The following SYNE3 variants were observed in gnomAD, a reference collection of about 807,000 sequenced individuals.
The protein encoded by SYNE3 is nesprin-3.
In SYNE3, 100 loss-of-function variants were observed where a neutral mutation model predicts 111.2. That is an observed-to-expected ratio of 0.90 (90% CI 0.77 to 1.06). The LOEUF (loss-of-function observed/expected upper bound fraction) is 1.06, where lower values mean the gene tolerates loss of function less well. Ranked by LOEUF, SYNE3 falls within the 50% of genes least tolerant of loss-of-function variation. SYNE3 has a pLI of 0.00. For synonymous variants in SYNE3, 547 were observed against 533.9 expected, an observed-to-expected ratio of 1.02 and a Z score of -0.34; for missense variants, 1,160 against 1,240.3, an observed-to-expected ratio of 0.94 and a Z score of 0.97.
chr14:95,487,917 T>TTCCTCCTCCTCC (rs57519352), intron 1 of SYNE3, among the ~76,000 whole-genome samples: 2 of 149,772 alleles, frequency 1.3e-5, no homozygotes, highest in African/African-American at 4.9e-5. Flanking sequence ...ACCCCTCCTC[T>TTCCTCCTCCTCC]TCCTCCTCCT....
At chr14:95,490,595 T>C (rs1288629420) in intron 1 of SYNE3, among the ~76,000 whole-genome samples, 1 of 152,264 alleles carries the variant, frequency 6.6e-6, no homozygotes, top group Non-Finnish European at 1.5e-5. Flanking sequence ...TATACTGAGC[T>C]TGTAGACAAG....
intron 17 of SYNE3, among the ~76,000 whole-genome samples, chr14:95,430,123 C>G (rs188207987): frequency 5.3e-5 from 8 of 152,294 alleles, no homozygotes; most frequent in African/African-American, 1.9e-4. Flanking sequence ...CTGGTGTTAG[C>G]CAGCAAATGT....
Position 95,412,528 on chromosome 14 carries a change from A to G in SYNE3, c.*5298T>C, listed in dbSNP as rs559697223. ...CACAGGGCACTTCTGCCCACCAACC[A>G]GGGGAGAGAAAGCCGCAGACCCCGG... On this transcript the variant is annotated 3_prime_UTR_variant, in exon 18 of 18. Transcript: ENST00000682763. 1 of 152,404 alleles carries G rather than the reference A, an allele frequency of 6.6e-6. No homozygotes were observed. The highest frequency in any genetic ancestry group is 1.9e-4 in the East Asian group (1 of 5,190). 9.4% of individuals were successfully genotyped at this position (152,404 alleles called of 1,614,324 possible).
At chr14:95,475,540 G>T in intron 2 of SYNE3, 138 bp downstream of exon 2, 2 of 1,029,878 alleles carry the variant, frequency 1.9e-6, no homozygotes, top group Non-Finnish European at 2.6e-6. Context: ...ATCTCCAGGA[G>T]ATCTGTGTGC....
intron 2 of SYNE3, among the ~76,000 whole-genome samples, chr14:95,473,597 C>T (rs1359795649): frequency 6.6e-6 from 1 of 152,094 alleles, no homozygotes; most frequent in Non-Finnish European, 1.5e-5. Context: ...AGGTCTTCTG[C>T]CAATCAAAGG....
chr14:95,429,997 A>AGGAAGGAAGGAAGGAC, intron 17 of SYNE3: 1 of 301,942 alleles, frequency 3.3e-6, no homozygotes, highest in African/African-American at 2.6e-5. Context: ...GAAGGAAGGA[A>AGGAAGGAAGGAAGGAC]GGAAAGAAGG....
At position 95,417,737 on chromosome 14, in the gene SYNE3, T is replaced by C. The variant is rs1414801771; in HGVS notation, c.*89A>G. 5.0e-6 allele frequency: 7 copies of C among 1,407,722 alleles called. No individual in the cohort carries two copies. In the African/African-American group the frequency reaches 5.7e-5, roughly 11 times the overall value. The allele number at this position is 1,407,722 out of a possible 1,614,324, so 87.2% of individuals were successfully genotyped here. A position where few individuals can be genotyped will look rare whatever the true frequency, so the allele number is the denominator to read the frequency against. Reference sequence around the variant, plus strand: ...AGCTCTGCAGTCTTTGCCCTGCCCCTGTTTCCAGTTTCCCTGGCGAGCATC... The same window carrying C: ...AGCTCTGCAGTCTTTGCCCTGCCCCCGTTTCCAGTTTCCCTGGCGAGCATC... On this transcript the variant is annotated 3_prime_UTR_variant, in exon 18 of 18. Transcript: ENST00000682763.
rs1450332974 is a variant in SYNE3 at position 95,417,818 on chromosome 14, C to T, written c.*8G>A. ...TGGAGGAGAAAGTCACCTGTGTGCC[C>T]CAGTGGGTTAGGTGGGTGGTGGGCC... On this transcript the variant is annotated 3_prime_UTR_variant, in exon 18 of 18. Transcript: ENST00000682763. The T allele has an allele frequency of 6.2e-7, 1 of 1,614,148 alleles. No homozygotes were observed. Among genetic ancestry groups the T allele is most frequent in the Non-Finnish European group, 8.5e-7 (1 of 1,180,012 alleles).
At chr14:95,484,009 C>T (rs575652184) in intron 1 of SYNE3, among the ~76,000 whole-genome samples, 1 of 152,300 alleles carries the variant, frequency 6.6e-6, no homozygotes, top group East Asian at 1.9e-4. Context: ...AAGCCAGCTG[C>T]TCTCTGATGC....
intron 1 of SYNE3, among the ~76,000 whole-genome samples, chr14:95,488,179 G>T (rs1239596301): frequency 6.6e-6 from 1 of 152,100 alleles, no homozygotes; most frequent in Non-Finnish European, 1.5e-5. Context: ...TAAGTTTTGG[G>T]GGATTCAAAA....
At chr14:95,419,241 A>G (rs12589502) in intron 17 of SYNE3, among the ~76,000 whole-genome samples, 19,351 of 152,148 alleles carry the variant, frequency 0.13, 3,084 homozygotes, top group African/African-American at 0.37. Context: ...GGATCCTAGC[A>G]GACTGGGTCC....
At chr14:95,459,993 A>T (rs1175758673) in intron 4 of SYNE3, among the ~76,000 whole-genome samples, 1 of 151,998 alleles carries the variant, frequency 6.6e-6, no homozygotes, top group African/African-American at 2.4e-5. Flanking sequence ...GCTACTTGGG[A>T]GGCTGAGGCA....
rs77616504 is a variant in SYNE3, at chr14:95,470,974, C to T, written c.145-3007G>A. On this transcript the variant is annotated intron_variant, in intron 2 of 17. Coordinates refer to ENST00000682763, the MANE Select transcript of SYNE3 (RefSeq NM_152592.6). This position sits in a 1 kb window ranked among gnomAD's most constrained non-coding sequence, Gnocchi z 4.2. ...CAGCCTGGGCAACAGAGCAACACGC[C>T]GTCTCAGGAAAAAAAAAAAAAGAAA... Among the ~76,000 whole-genome samples the T allele has an allele frequency of 0.023, 3,327 of 146,482 alleles. 114 individuals carry two copies. Among genetic ancestry groups the T allele is most frequent in the African/African-American group, 0.076 (3,063 of 40,096 alleles).
At chr14:95,466,429 A>C (rs1407426186) in intron 3 of SYNE3, among the ~76,000 whole-genome samples, 189 bp from the exon 4 acceptor site, 2 of 152,102 alleles carry the variant, frequency 1.3e-5, no homozygotes, top group Admixed American at 6.5e-5. Flanking sequence ...CCTCAGTCCT[A>C]CTGGATAAGA....
At position 95,409,084 on chromosome 14, in the gene SYNE3, A is replaced by C. The variant is rs773470812; in HGVS notation, c.*8742T>G. 44 of 446,490 alleles carry C rather than the reference A, an allele frequency of 9.9e-5. No homozygotes were observed. The highest frequency in any genetic ancestry group is 1.5e-4 in the Non-Finnish European group (33 of 219,252). 27.7% of individuals were successfully genotyped at this position (446,490 alleles called of 1,614,324 possible). A position where few individuals can be genotyped will look rare whatever the true frequency, so the allele number is the denominator to read the frequency against. Reference sequence around the variant, plus strand: ...CCCTCCAGCTAACTCACCAGCTGCCAGAGTGGCAGCAGCCCGCGGCCTGCA... The same window carrying C: ...CCCTCCAGCTAACTCACCAGCTGCCCGAGTGGCAGCAGCCCGCGGCCTGCA... On this transcript the variant is annotated 3_prime_UTR_variant, in exon 18 of 18. Transcript: ENST00000682763.
At chr14:95,447,416 G>A (rs533343517) in intron 8 of SYNE3, among the ~76,000 whole-genome samples, 6 of 152,234 alleles carry the variant, frequency 3.9e-5, no homozygotes, top group African/African-American at 9.6e-5. Flanking sequence ...GATTACAGGC[G>A]TGAGCCACCG....
rs200148033 is a variant in SYNE3, at chr14:95,427,235, T to G, written c.2727+4844A>C. Among the ~76,000 whole-genome samples, 9 of 152,098 alleles carry G rather than the reference T, an allele frequency of 5.9e-5. No individual in the cohort carries two copies. The East Asian group carries it at 1.7e-3, about 29-fold the overall frequency. On this transcript the variant is annotated intron_variant, in intron 17 of 17. Coordinates refer to ENST00000682763, the MANE Select transcript of SYNE3 (RefSeq NM_152592.6). ...CGCCAGTGTCTGGGAAGACGCCCAT[T>G]GTCAAGCAGACCGTGGTCTAGCGGT...
intron 1 of SYNE3, among the ~76,000 whole-genome samples, chr14:95,511,474 G>C (rs1242132750): frequency 3.9e-5 from 6 of 152,136 alleles, no homozygotes; most frequent in African/African-American, 9.7e-5. Context: ...ACCGAGGTGG[G>C]TGGATCACGA....
intron 3 of SYNE3, among the ~76,000 whole-genome samples, chr14:95,466,472 G>A (rs1888184948): frequency 6.6e-6 from 1 of 152,310 alleles, no homozygotes; most frequent in African/African-American, 2.4e-5. Flanking sequence ...CCCTGCGTGA[G>A]GGTAGGAGCC....
Sources: allele counts gnomAD v4.1 joint callset (sites outside exome capture counted in the v4.1 genomes callset), GRCh38; gene constraint gnomAD v4.1.1; non-coding constraint Gnocchi (gnomAD v3.1); transcripts MANE v1.5; gene names NCBI Gene and HGNC (gene_info 2026-07-23, HGNC 2026-07-21).